Variants in OXR1 observed in about 807,000 individuals in gnomAD.
OXR1 encodes oxidation resistance protein 1.
Under a neutral mutation model 104.6 loss-of-function variants are expected in OXR1, and 41 were observed. That is an observed-to-expected ratio of 0.39 (90% CI 0.31 to 0.51). The LOEUF (loss-of-function observed/expected upper bound fraction) is 0.51, where lower values mean the gene tolerates loss of function less well. Ranked by LOEUF, OXR1 falls within the 20% of genes least tolerant of loss-of-function variation. The probability of loss-of-function intolerance (pLI) is 0.77; values close to 1 mark genes in which losing one functional copy is unlikely to be tolerated. For missense variants in OXR1, 955 were observed against 1,031.9 expected, an observed-to-expected ratio of 0.93 and a Z score of 1.02; for synonymous variants, 348 against 348.4, an observed-to-expected ratio of 1.00 and a Z score of 0.01.
chr8:106,659,464 T>C (rs752128006), intron 3 of OXR1, among the ~76,000 whole-genome samples: 2 of 152,254 alleles, frequency 1.3e-5, no homozygotes, highest in Non-Finnish European at 2.9e-5. Flanking sequence ...GGAATACTTT[T>C]GTTTCTGCTC....
intron 2 of OXR1, among the ~76,000 whole-genome samples, chr8:106,363,002 A>T (rs73701194): frequency 0.032 from 4,803 of 152,298 alleles, 96 homozygotes; most frequent in South Asian, 0.11. Flanking sequence ...TTTCACTGTG[A>T]TGCCTGCACA....
intron 1 of OXR1, among the ~76,000 whole-genome samples, chr8:106,284,846 G>A (rs905760628): frequency 1.3e-5 from 2 of 151,884 alleles, no homozygotes; most frequent in Admixed American, 6.6e-5. Context: ...TCAGCTGTTT[G>A]CTTGCTATTG....
chr8:106,444,844 T>C (rs1206901572), intron 2 of OXR1, among the ~76,000 whole-genome samples: 2 of 152,066 alleles, frequency 1.3e-5, no homozygotes, highest in African/African-American at 4.8e-5. Flanking sequence ...ATCTGAAAAA[T>C]TTAGTTACAA....
At chr8:106,499,796 C>T (rs965029429) in intron 2 of OXR1, among the ~76,000 whole-genome samples, 1 of 152,136 alleles carries the variant, frequency 6.6e-6, no homozygotes, top group Non-Finnish European at 1.5e-5. Context: ...TCCAGCAATA[C>T]CCTTGAAGTC....
intron 3 of OXR1, among the ~76,000 whole-genome samples, chr8:106,569,712 T>C (rs1239285573): frequency 6.6e-6 from 1 of 152,242 alleles, no homozygotes; most frequent in East Asian, 1.9e-4. Flanking sequence ...ATGAATTCTC[T>C]CACTTTGACA....
intron 3 of OXR1, among the ~76,000 whole-genome samples, chr8:106,548,373 A>C (rs1815539978): frequency 1.3e-5 from 2 of 152,206 alleles, no homozygotes. Flanking sequence ...CTATGGTCAT[A>C]CAAGTAGACA....
chr8:106,537,250 A>G (rs1814606320), intron 3 of OXR1, among the ~76,000 whole-genome samples: 1 of 152,188 alleles, frequency 6.6e-6, no homozygotes, highest in Non-Finnish European at 1.5e-5. Flanking sequence ...ACAATATTCA[A>G]TCCATAGCAG....
chr8:106,686,430 A>G (rs1050166417), intron 6 of OXR1, among the ~76,000 whole-genome samples: 1 of 151,612 alleles, frequency 6.6e-6, no homozygotes, highest in African/African-American at 2.4e-5. Context: ...TTTTAGTTGT[A>G]TTTTTTTTAC....
chr8:106,396,769 G>A (rs748025745), intron 2 of OXR1, among the ~76,000 whole-genome samples: 10 of 151,988 alleles, frequency 6.6e-5, no homozygotes, highest in Non-Finnish European at 1.0e-4. Flanking sequence ...ATATGCCAAG[G>A]TTAATGTCTT....
intron 2 of OXR1, among the ~76,000 whole-genome samples, chr8:106,450,435 G>GA (rs976166052): frequency 2.6e-5 from 4 of 151,948 alleles, no homozygotes; most frequent in East Asian, 1.9e-4. Context: ...GTTGGAAAGG[G>GA]AAAAAAACAC....
Position 106,671,044 on chromosome 8 carries a change from C to CAAAAAAAAAAAAAAAAAA in OXR1, c.221-8164_221-8147dup, listed in dbSNP as rs60404483. On this transcript the variant is annotated intron_variant, in intron 3 of 16. Transcript: ENST00000517566. ...TGGGTGACAGAGTGAGACTCTGTCTCAAAAAAAAAAAAAAAAAAAGAATGG... is the reference window on the plus strand; with the variant it reads ...TGGGTGACAGAGTGAGACTCTGTCTCAAAAAAAAAAAAAAAAAAAAAAAAAAAAAAAAAAAAAGAATGG... Among the ~76,000 whole-genome samples, 314 of 48,866 alleles carry CAAAAAAAAAAAAAAAAAA rather than the reference C, an allele frequency of 6.4e-3. 33 individuals carry two copies. Among genetic ancestry groups the CAAAAAAAAAAAAAAAAAA allele is most frequent in the African/African-American group, 0.019 (156 of 8,126 alleles). 32.1% of individuals were successfully genotyped at this position (48,866 alleles called of 152,430 possible). A position where few individuals can be genotyped will look rare whatever the true frequency, so the allele number is the denominator to read the frequency against.
chr8:106,560,254 C>T (rs1816582127), intron 3 of OXR1, among the ~76,000 whole-genome samples: 1 of 152,124 alleles, frequency 6.6e-6, no homozygotes, highest in South Asian at 2.1e-4. Context: ...AGGGCACTAA[C>T]CTGGATAATA....
At chr8:106,455,660 G>T (rs1820560851) in intron 2 of OXR1, among the ~76,000 whole-genome samples, 1 of 152,252 alleles carries the variant, frequency 6.6e-6, no homozygotes. Context: ...TGAAAATATT[G>T]TCAGTCCAAT....
chr8:106,284,415 TC>T (rs911481450), intron 1 of OXR1, among the ~76,000 whole-genome samples: 50 of 151,950 alleles, frequency 3.3e-4, no homozygotes, highest in African/African-American at 1.2e-3. Context: ...TGCCAGATAA[TC>T]CAGAGTCCTC....
chr8:106,601,943 G>A (rs1167645854), intron 3 of OXR1, among the ~76,000 whole-genome samples: 2 of 152,162 alleles, frequency 1.3e-5, no homozygotes, highest in Non-Finnish European at 1.5e-5. Context: ...AGCAGTAGAT[G>A]CGCTTTACTG....
At chr8:106,454,001 A>G (rs1483570842) in intron 2 of OXR1, among the ~76,000 whole-genome samples, 1 of 152,242 alleles carries the variant, frequency 6.6e-6, no homozygotes, top group African/African-American at 2.4e-5. Flanking sequence ...AACCATTTTT[A>G]TACTTCAGGA....
At chr8:106,582,547 A>G (rs1374131686) in intron 3 of OXR1, among the ~76,000 whole-genome samples, 1 of 152,100 alleles carries the variant, frequency 6.6e-6, no homozygotes, top group Non-Finnish European at 1.5e-5. Flanking sequence ...AAAAGTAGGC[A>G]GTCTTTTACA....
intron 11 of OXR1, among the ~76,000 whole-genome samples, chr8:106,727,353 CTAAT>C (rs1178019380): frequency 6.6e-6 from 1 of 152,140 alleles, no homozygotes; most frequent in Non-Finnish European, 1.5e-5. Flanking sequence ...ATAGGTCAAT[CTAAT>C]TAATGTGCAT....
chr8:106,432,557 T>C (rs1419362637), intron 2 of OXR1, among the ~76,000 whole-genome samples: 1 of 152,216 alleles, frequency 6.6e-6, no homozygotes, highest in Non-Finnish European at 1.5e-5. Context: ...AACCTGCATT[T>C]GTTTTTTGTT....
Sources: allele counts gnomAD v4.1 joint callset (sites outside exome capture counted in the v4.1 genomes callset), GRCh38; gene constraint gnomAD v4.1.1; transcripts MANE v1.5; gene names NCBI Gene and HGNC (gene_info 2026-07-23, HGNC 2026-07-21).